Variants in ANKRD42 observed in about 807,000 individuals in gnomAD.
The protein encoded by ANKRD42 is ankyrin repeat domain 42, also known as ankyrin repeat domain-containing protein 42.
ANKRD42 carries 43 observed loss-of-function variants against 51.5 expected under a neutral mutation model. That is an observed-to-expected ratio of 0.83 (90% CI 0.65 to 1.08). The LOEUF is 1.08. ANKRD42 is among the 50% of genes least tolerant of loss of function. The pLI, the probability that ANKRD42 is intolerant of heterozygous loss-of-function variation, is 0.00. For missense variants in ANKRD42, 608 were observed against 629.3 expected (o/e 0.97, Z 0.36); for synonymous variants, 203 against 213.0 (o/e 0.95, Z 0.41).
At chr11:83,257,365 C>A, downstream of ANKRD42, 1 of 453,114 alleles carries the variant, frequency 2.2e-6, no homozygotes, top group Admixed American at 2.4e-5. Context: ...TCTTTGCTAG[C>A]TGGAGGGAAA....
intron 7 of ANKRD42, among the ~76,000 whole-genome samples, chr11:83,233,395 A>G (rs1863138032): frequency 2.0e-5 from 3 of 152,058 alleles, no homozygotes; most frequent in Admixed American, 2.0e-4. Flanking sequence ...GTAGCCACTA[A>G]TGATCCATTG....
intron 9 of ANKRD42, among the ~76,000 whole-genome samples, chr11:83,245,214 T>C (rs1165446493): frequency 6.6e-6 from 1 of 152,232 alleles, no homozygotes; most frequent in African/African-American, 2.4e-5. Context: ...ATACTGCTAG[T>C]CTTTTAAAAC....
At chr11:83,209,279 AAG>A in intron 3 of ANKRD42, 1 of 656,534 alleles carries the variant, frequency 1.5e-6, no homozygotes, top group Non-Finnish European at 2.8e-6. Flanking sequence ...TCAATATTAT[AAG>A]TGTCTTCTAG....
chr11:83,227,388 C>T (rs1361195425), intron 6 of ANKRD42, among the ~76,000 whole-genome samples: 5 of 152,200 alleles, frequency 3.3e-5, no homozygotes, highest in Admixed American at 3.3e-4. Context: ...GCTGGGATTA[C>T]AGGCGTGAGC....
At chr11:83,212,677 C>G in intron 5 of ANKRD42, 1 of 1,536,084 alleles carries the variant, frequency 6.5e-7, no homozygotes, top group Non-Finnish European at 8.7e-7. Context: ...CCTGTGGAGC[C>G]TCTGATTCCT....
chr11:83,209,636 T>G, intron 3 of ANKRD42: 1 of 828,528 alleles, frequency 1.2e-6, no homozygotes, highest in Non-Finnish European at 2.1e-6. Flanking sequence ...GCCAAAGAAA[T>G]GAAGCTGGCA....
chr11:83,238,387 G>A (rs1863283364), intron 8 of ANKRD42, among the ~76,000 whole-genome samples: 1 of 152,238 alleles, frequency 6.6e-6, no homozygotes, highest in Non-Finnish European at 1.5e-5. Flanking sequence ...GCCTTCCAAA[G>A]TGGCCATACA....
intron 8 of ANKRD42, among the ~76,000 whole-genome samples, chr11:83,238,422 G>T (rs1863284006): frequency 6.6e-6 from 1 of 152,220 alleles, no homozygotes; most frequent in Non-Finnish European, 1.5e-5. Flanking sequence ...GGGGCTGGGT[G>T]CAGTGGCTCA....
intron 2 of ANKRD42, among the ~76,000 whole-genome samples, chr11:83,204,217 A>G (rs1411829557): frequency 6.6e-6 from 1 of 152,186 alleles, no homozygotes; most frequent in African/African-American, 2.4e-5. Context: ...TGCTGAGATT[A>G]CAGACATGAA....
chr11:83,194,790 A>G lies in ANKRD42; in HGVS notation c.58+62A>G, dbSNP rs561323467. ...ATTCCTTTTCTCACTTAAGCCCGCA[A>G]CAGCCTTAGCCCTTTCTGGCATTTC... On this transcript the variant is annotated intron_variant, in intron 1 of 10. Transcript: ENST00000533342. The G allele has an allele frequency of 2.8e-5, 41 of 1,487,546 alleles. 1 individual carries two copies. In the South Asian group the frequency reaches 5.3e-4, roughly 19 times the overall value. 92.1% of individuals were successfully genotyped at this position (1,487,546 alleles called of 1,614,324 possible).
At chr11:83,215,838 C>T (rs112684292) in intron 5 of ANKRD42, among the ~76,000 whole-genome samples, 17 of 152,208 alleles carry the variant, frequency 1.1e-4, no homozygotes, top group African/African-American at 3.9e-4. Flanking sequence ...CTCTGCTACC[C>T]AGGCTGGAGT....
chr11:83,240,258 T>A (rs1863346603), intron 8 of ANKRD42, among the ~76,000 whole-genome samples: 1 of 152,228 alleles, frequency 6.6e-6, no homozygotes, highest in South Asian at 2.1e-4. Context: ...AAGGTCATTA[T>A]TTTTTCATTA....
chr11:83,207,785 C>T (rs777288866), intron 3 of ANKRD42, among the ~76,000 whole-genome samples: 2 of 152,208 alleles, frequency 1.3e-5, no homozygotes, highest in Non-Finnish European at 1.5e-5. Flanking sequence ...CTATGCTATA[C>T]TTCTGTAAGA....
intron 8 of ANKRD42, among the ~76,000 whole-genome samples, chr11:83,237,653 T>G (rs1045958031): frequency 2.6e-5 from 4 of 152,140 alleles, no homozygotes; most frequent in Non-Finnish European, 5.9e-5. Flanking sequence ...TGACTTGGAG[T>G]GTGGTTTTGT....
At chr11:83,195,275 T>C (rs1020424258) in intron 1 of ANKRD42, among the ~76,000 whole-genome samples, 5 of 152,248 alleles carry the variant, frequency 3.3e-5, no homozygotes, top group African/African-American at 9.6e-5. Flanking sequence ...ATGCCTACTT[T>C]GTGCTCCGTC....
chr11:83,224,406 C>A (rs1327059938), intron 5 of ANKRD42, among the ~76,000 whole-genome samples: 2 of 152,066 alleles, frequency 1.3e-5, no homozygotes, highest in East Asian at 1.9e-4. Flanking sequence ...TCTTCGGTGA[C>A]CCTCATCTGG....
At chr11:83,223,618 A>G (rs1462677427) in intron 5 of ANKRD42, among the ~76,000 whole-genome samples, 1 of 152,078 alleles carries the variant, frequency 6.6e-6, no homozygotes, top group African/African-American at 2.4e-5. Flanking sequence ...CTTTTGACAT[A>G]TGTTAGAAAT....
downstream of ANKRD42, among the ~76,000 whole-genome samples, chr11:83,250,193 T>C (rs1444504063): frequency 6.6e-6 from 1 of 152,160 alleles, no homozygotes; most frequent in Non-Finnish European, 1.5e-5. Context: ...CACCTTCTGG[T>C]CAGGACCTAT....
chr11:83,225,033 AAAAG>A lies in ANKRD42; in HGVS notation c.767_770del (p.Lys256ThrfsTer2), dbSNP rs1565188714. ...TTATCCAGGGGGCTGAGTATGAAGG[AAAAG>A]ACCTAGAGGATCAGGAAAGTAAGTA... On this transcript the variant is annotated frameshift_variant, in exon 6 of 11. Coordinates refer to ENST00000533342, the MANE Select transcript of ANKRD42 (RefSeq NM_001300975.2). LOFTEE classifies it high-confidence loss of function. The A allele has an allele frequency of 6.2e-7, 1 of 1,612,456 alleles. No individual in the cohort carries two copies. The highest frequency in any genetic ancestry group is 1.3e-5 in the African/African-American group (1 of 74,898).
Sources: allele counts gnomAD v4.1 joint callset (sites outside exome capture counted in the v4.1 genomes callset), GRCh38; gene constraint gnomAD v4.1.1; transcripts MANE v1.5; gene names NCBI Gene and HGNC (gene_info 2026-07-23, HGNC 2026-07-21).